Variants in PDE11A observed in about 807,000 individuals in gnomAD.
PDE11A encodes dual 3',5'-cyclic-AMP and -GMP phosphodiesterase 11A.
Under a neutral mutation model 100.5 loss-of-function variants are expected in PDE11A, and 100 were observed. The ratio of observed to expected loss-of-function variants is 1.00; its 90% CI spans 0.85 to 1.18. PDE11A has a LOEUF of 1.18. Among genes scored for constraint, PDE11A ranks in the 50% most tolerant of loss-of-function variants. The probability of loss-of-function intolerance (pLI) is 0.00; values close to 1 mark genes in which losing one functional copy is unlikely to be tolerated. For synonymous variants in PDE11A, 381 were observed against 420.8 expected (o/e 0.91, Z 1.16); for missense variants, 1,141 against 1,152.6 (o/e 0.99, Z 0.15).
chr2:178,033,037 T>C (rs1473362425), intron 1 of PDE11A, among the ~76,000 whole-genome samples: 1 of 152,144 alleles, frequency 6.6e-6, no homozygotes, highest in Non-Finnish European at 1.5e-5. Context: ...CAAAACTGGA[T>C]GGAGAATGAG....
chr2:177,697,199 A>T, intron 15 of PDE11A, 133 bp downstream of exon 15: 1 of 675,638 alleles, frequency 1.5e-6, no homozygotes, highest in Admixed American at 2.0e-5. Flanking sequence ...GAGAGAAACA[A>T]CAACAAAAAA....
intron 10 of PDE11A, among the ~76,000 whole-genome samples, chr2:177,764,567 A>T (rs1490351024): frequency 6.6e-6 from 1 of 152,244 alleles, no homozygotes; most frequent in Non-Finnish European, 1.5e-5. Context: ...TTCTTATGTT[A>T]TCACAGCTGG....
At chr2:177,781,903 C>T (rs1412654124) in intron 9 of PDE11A, among the ~76,000 whole-genome samples, 1 of 152,022 alleles carries the variant, frequency 6.6e-6, no homozygotes, top group African/African-American at 2.4e-5. Context: ...TTGAGTGGGC[C>T]CTCAACTTGG....
chr2:177,641,426 C>CAA (rs3056858), intron 19 of PDE11A, among the ~76,000 whole-genome samples: 5,537 of 136,004 alleles, frequency 0.041, 217 homozygotes, highest in South Asian at 0.077. Context: ...TTTACTGAGT[C>CAA]AAAAAAAAAA....
In PDE11A at chr2:177,939,529, GAGGAAGGAAGGAAGGAAGGAAGGA is replaced by G. The variant is rs72249265; in HGVS notation, c.1072-34366_1072-34343del. 1.2e-3 allele frequency among the ~76,000 whole-genome samples: 118 copies of G among 100,798 alleles called. 1 individual carries two copies. Among genetic ancestry groups the G allele is most frequent in the African/African-American group, 4.3e-3 (109 of 25,196 alleles). The allele number at this position is 100,798 out of a possible 152,430, so 66.1% of individuals were successfully genotyped here. A position where few individuals can be genotyped will look rare whatever the true frequency, so the allele number is the denominator to read the frequency against. The stretch of plus-strand genomic sequence containing the variant: ...GAGGGAGGGAGGGAAGGGAGGGAGG[GAGGAAGGAAGGAAGGAAGGAAGGA>G]AGGAAGGAAGGAAGGAAGGAAGGAA... On this transcript the variant is annotated intron_variant, in intron 2 of 19. Coordinates refer to ENST00000286063, the MANE Select transcript of PDE11A (RefSeq NM_016953.4).
At chr2:177,740,069 C>T (rs931819959) in intron 10 of PDE11A, among the ~76,000 whole-genome samples, 1 of 152,218 alleles carries the variant, frequency 6.6e-6, no homozygotes, top group African/African-American at 2.4e-5. Flanking sequence ...TGCTCTTTGA[C>T]TTCTCTCAGA....
chr2:177,698,371 T>C (rs1386868544), intron 14 of PDE11A: 1 of 152,156 alleles, frequency 6.6e-6, no homozygotes, highest in African/African-American at 2.4e-5. Flanking sequence ...AATCCTTCTG[T>C]AAAGTGACCA....
chr2:177,933,087 C>CACACACACAT (rs370333403), intron 2 of PDE11A, among the ~76,000 whole-genome samples: 77 of 151,568 alleles, frequency 5.1e-4, no homozygotes, highest in African/African-American at 1.8e-3. Context: ...CACACACACA[C>CACACACACAT]ACAAATAAAA....
In PDE11A at chr2:177,816,911, A is replaced by G. The variant is rs138427178; in HGVS notation, c.1655T>C (p.Ile552Thr). 2,381 of 1,605,642 alleles carry G rather than the reference A, an allele frequency of 1.5e-3. 11 individuals are homozygous for G. Among genetic ancestry groups the G allele is most frequent in the South Asian group, 2.5e-3 (223 of 90,912 alleles). ...GTTGTTGATGCCAAGTCCACAAAAG[A>G]TGACAAAAGCCTAGGAAAGAGCAAA... is the stretch of plus-strand genomic sequence containing the variant. Reference protein sequence around the residue: ...ADQRLFEAFVIFCGLGINNTI... With the variant: ...ADQRLFEAFVTFCGLGINNTI... The change falls in exon 9 of 20, where the codon ATC becomes ACC. Residue 552 changes from isoleucine (I) to threonine (T), a missense_variant. By Grantham distance (89) the Ile-to-Thr change is moderately conservative. Coordinates refer to ENST00000286063, the MANE Select transcript of PDE11A (RefSeq NM_016953.4).
intron 19 of PDE11A, among the ~76,000 whole-genome samples, chr2:177,631,306 A>C (rs7565182): frequency 1.3e-3 from 49 of 36,758 alleles, no homozygotes; most frequent in Admixed American, 3.4e-3. Flanking sequence ...AAAAAAAAAA[A>C]AAAACAAAAA....
At chr2:177,759,221 A>G (rs954399594) in intron 10 of PDE11A, among the ~76,000 whole-genome samples, 1 of 152,116 alleles carries the variant, frequency 6.6e-6, no homozygotes, top group Non-Finnish European at 1.5e-5. Flanking sequence ...AAATGGAAAC[A>G]GTATCAGGAG....
chr2:178,071,590 C>T lies in PDE11A; in HGVS notation c.848G>A (p.Gly283Asp). ...CCCGACATAGCCAATGATACCTTTG[C>T]CCCAGGGGACCTGCACCTCATTTGA... ...ENSNEVQVPW[G>D]KGIIGYVGEH... The change falls in exon 1 of 20, where the codon GGC becomes GAC. Residue 283 changes from glycine to aspartate, a missense_variant. By Grantham distance (94) the Gly-to-Asp change is moderately conservative. Transcript: ENST00000286063. 6.2e-7 allele frequency: 1 copy of T among 1,613,590 alleles called. No individual in the cohort carries two copies. Among genetic ancestry groups the T allele is most frequent in the Non-Finnish European group, 8.5e-7 (1 of 1,179,496 alleles).
chr2:177,662,747 A>G (rs1469261357), intron 19 of PDE11A, among the ~76,000 whole-genome samples: 1 of 152,246 alleles, frequency 6.6e-6, no homozygotes, highest in African/African-American at 2.4e-5. Flanking sequence ...TTATGGTATC[A>G]TGTATTTAAT....
intron 12 of PDE11A, among the ~76,000 whole-genome samples, chr2:177,712,992 A>G (rs2081378171): frequency 6.6e-6 from 1 of 151,928 alleles, no homozygotes; most frequent in African/African-American, 2.4e-5. Flanking sequence ...TAACTGAATA[A>G]CAGGTTTCTG....
chr2:177,972,707 G>A (rs2085787576), intron 2 of PDE11A, among the ~76,000 whole-genome samples: 1 of 152,198 alleles, frequency 6.6e-6, no homozygotes, highest in South Asian at 2.1e-4. Flanking sequence ...GTTGGCCCTA[G>A]ACAGAAGAAG....
At chr2:177,913,955 C>T (rs966103335) in intron 2 of PDE11A, among the ~76,000 whole-genome samples, 7 of 152,176 alleles carry the variant, frequency 4.6e-5, no homozygotes, top group Admixed American at 2.0e-4. Flanking sequence ...GCCAAATCAT[C>T]CTCCAAAAAG....
intron 1 of PDE11A, among the ~76,000 whole-genome samples, chr2:178,067,444 T>C (rs1451602561): frequency 1.3e-5 from 2 of 152,206 alleles, no homozygotes; most frequent in African/African-American, 4.8e-5. Flanking sequence ...CAATATGCAA[T>C]ATTTTGGCCA....
chr2:177,795,477 G>A (rs1341084485), intron 9 of PDE11A, among the ~76,000 whole-genome samples: 1 of 152,070 alleles, frequency 6.6e-6, no homozygotes, highest in East Asian at 1.9e-4. Context: ...CTGCCACAGA[G>A]TTTATCAATA....
chr2:177,869,988 C>A (rs920072369), intron 5 of PDE11A, among the ~76,000 whole-genome samples: 2 of 152,174 alleles, frequency 1.3e-5, no homozygotes, highest in Non-Finnish European at 2.9e-5. Context: ...AATTGATGTT[C>A]CACACCTTAA....
Sources: gnomAD v4.1 joint callset for allele counts (sites outside exome capture counted in the v4.1 genomes callset) on GRCh38, gnomAD v4.1.1 for gene constraint, MANE v1.5 for transcripts, NCBI Gene and HGNC (gene_info 2026-07-23, HGNC 2026-07-21) for gene names.